STEAP3: variants seen among roughly 807,000 people sequenced by gnomAD.
STEAP3 encodes the protein STEAP3 metalloreductase.
A neutral mutation model predicts 34.9 loss-of-function variants in STEAP3; 35 were observed. The ratio of observed to expected loss-of-function variants is 1.00; its 90% CI spans 0.76 to 1.33. The LOEUF (loss-of-function observed/expected upper bound fraction) is 1.33, where lower values mean the gene tolerates loss of function less well. Among genes scored for constraint, STEAP3 ranks in the 40% most tolerant of loss-of-function variants. STEAP3 has a pLI of 0.00. For missense variants in STEAP3, 652 were observed against 667.6 expected (o/e 0.98, Z 0.26); for synonymous variants, 281 against 301.6 (o/e 0.93, Z 0.71).
intron 1 of STEAP3, among the ~76,000 whole-genome samples, chr2:119,227,376 T>G (rs1180149233): frequency 6.6e-6 from 1 of 152,322 alleles, no homozygotes; most frequent in East Asian, 1.9e-4. Flanking sequence ...TCGTGAGCCC[T>G]GCACTGAATG....
rs1676899571 is a variant in STEAP3, at chr2:119,230,682, CAA to C, written c.-329_-328del. On this transcript the variant is annotated 5_prime_UTR_variant, in exon 2 of 6. The change abolishes the stop of an existing upstream ORF in the 5' untranslated region. Transcript: ENST00000393110. Reference sequence around the variant, plus strand: ...GGTCGTCCCACCTCAGTTCCTGTAGCAAAGAGACTTGAGTCTGAGCCACTAAT... The same window carrying C: ...GGTCGTCCCACCTCAGTTCCTGTAGCAGAGACTTGAGTCTGAGCCACTAAT... 1 of 446,052 alleles carries C rather than the reference CAA, an allele frequency of 2.2e-6. No individual in the cohort carries two copies. Among genetic ancestry groups the C allele is most frequent in the Non-Finnish European group, 4.1e-6 (1 of 241,008 alleles). 27.6% of individuals were successfully genotyped at this position (446,052 alleles called of 1,614,324 possible). A position where few individuals can be genotyped will look rare whatever the true frequency, so the allele number is the denominator to read the frequency against.
intron 2 of STEAP3, 195 bp from the exon 3 acceptor site, chr2:119,245,294 G>T: frequency 1.4e-6 from 1 of 698,132 alleles, no homozygotes; most frequent in Non-Finnish European, 2.3e-6. Flanking sequence ...CTCTTCCTGA[G>T]TCTGTGCTCT....
At position 119,245,683 on chromosome 2, in the gene STEAP3, C is replaced by T. The variant is rs138657061; in HGVS notation, c.217C>T (p.Arg73Cys). 6.8e-4 allele frequency: 1,100 copies of T among 1,613,760 alleles called. No homozygotes were observed. Among genetic ancestry groups the T allele is most frequent in the Non-Finnish European group, 8.4e-4 (991 of 1,179,692 alleles). The change falls in exon 3 of 6, where the codon CGC becomes TGC. Residue 73 changes from arginine (R) to cysteine (C), a missense_variant. Transcript: ENST00000393110. The stretch of plus-strand genomic sequence containing the variant: ...GGTGGTGGGGAGCCGCAACCCCAAA[C>T]GCACAGCCAGGCTGTTTCCCTCAGC... ...KVVVGSRNPK[R>C]TARLFPSAAQ...
rs1400778451 is a variant in STEAP3 at position 119,254,809 on chromosome 2, T to C, written c.1176T>C (p.Ile392=). ...SLLAVTSLPS[I]ANSLNWREFS... ...TGGCCGTGACCTCACTGCCGTCCAT[T>C]GCAAACTCGCTCAACTGGAGGGAGT... The change falls in exon 5 of 6, where the codon ATT becomes ATC. Residue 392 remains isoleucine, a synonymous_variant. Coordinates refer to ENST00000393110, the MANE Select transcript of STEAP3 (RefSeq NM_182915.3). The C allele has an allele frequency of 1.2e-6, 2 of 1,614,156 alleles. No homozygotes were observed. Among genetic ancestry groups the C allele is most frequent in the Non-Finnish European group, 8.5e-7 (1 of 1,180,032 alleles).
At chr2:119,261,728 G>A (rs926021761) in intron 5 of STEAP3, among the ~76,000 whole-genome samples, 3 of 152,188 alleles carry the variant, frequency 2.0e-5, no homozygotes, top group Non-Finnish European at 4.4e-5. Context: ...CTCTTCCTTC[G>A]TGGTCCACGA....
At chr2:119,256,336 C>G (rs1867749) in intron 5 of STEAP3, among the ~76,000 whole-genome samples, 54,996 of 151,998 alleles carry the variant, frequency 0.36, 10,574 homozygotes, top group Non-Finnish European at 0.44. Flanking sequence ...TGTTAGCATA[C>G]GAGAAGGGGA....
chr2:119,263,293 G>T lies in STEAP3; in HGVS notation c.1452G>T (p.Thr484=). The change falls in exon 6 of 6, where the codon ACG becomes ACT. Residue 484 remains threonine, a synonymous_variant. Transcript: ENST00000393110. ...GWERESTIKF[T]LPTDHALAEK... The stretch of plus-strand genomic sequence containing the variant: ...AGAGGGAGAGCACCATCAAGTTCAC[G>T]CTGCCCACAGACCACGCCCTGGCCG... 6.2e-7 allele frequency: 1 copy of T among 1,613,896 alleles called. No homozygotes were observed. Among genetic ancestry groups the T allele is most frequent in the Non-Finnish European group, 8.5e-7 (1 of 1,179,984 alleles).
chr2:119,249,442 G>A (rs770136955), intron 4 of STEAP3, among the ~76,000 whole-genome samples: 15 of 152,142 alleles, frequency 9.9e-5, no homozygotes, highest in Non-Finnish European at 2.2e-4. Context: ...CCAGCCCCGG[G>A]GCTGGTTGAT....
At chr2:119,229,865 C>T (rs1488155161) in intron 1 of STEAP3, among the ~76,000 whole-genome samples, 1 of 130,202 alleles carries the variant, frequency 7.7e-6, no homozygotes, top group Non-Finnish European at 1.6e-5. Context: ...TCCCTGCCTA[C>T]AGGCCTGTGT....
At chr2:119,248,848 T>A (rs569596374) in intron 4 of STEAP3, 6 of 152,560 alleles carry the variant, frequency 3.9e-5, no homozygotes, top group African/African-American at 1.4e-4. Context: ...CTCTGGTTTT[T>A]GGCTGAGAAC....
chr2:119,242,486 G>T (rs922016527), intron 2 of STEAP3, among the ~76,000 whole-genome samples: 1 of 152,170 alleles, frequency 6.6e-6, no homozygotes, highest in African/African-American at 2.4e-5. Flanking sequence ...CATCTGCAAG[G>T]CTCCTGGGCT....
At chr2:119,238,498 G>C (rs892345582) in intron 2 of STEAP3, among the ~76,000 whole-genome samples, 1 of 152,054 alleles carries the variant, frequency 6.6e-6, no homozygotes, top group Admixed American at 6.5e-5. Context: ...TTTTAATACC[G>C]AGGTGTAAGA....
intron 4 of STEAP3, among the ~76,000 whole-genome samples, chr2:119,250,581 C>T (rs1677594175): frequency 6.6e-6 from 1 of 152,174 alleles, no homozygotes; most frequent in Non-Finnish European, 1.5e-5. Flanking sequence ...CATGGAGGAG[C>T]CCACTCCCTC....
At chr2:119,258,430 C>G (rs908569177) in intron 5 of STEAP3, among the ~76,000 whole-genome samples, 2 of 152,032 alleles carry the variant, frequency 1.3e-5, no homozygotes, top group African/African-American at 2.4e-5. Flanking sequence ...CCCAGCCCCC[C>G]ATTCAGGTGA....
intron 3 of STEAP3, chr2:119,246,847 G>C (rs186742804): frequency 6.6e-6 from 1 of 152,276 alleles, no homozygotes; most frequent in Admixed American, 6.5e-5. Flanking sequence ...TCAGGCTCAG[G>C]GAGCAGGGAG....
chr2:119,257,538 G>T (rs1468491744), intron 5 of STEAP3: 1 of 1,544,562 alleles, frequency 6.5e-7, no homozygotes. Flanking sequence ...CCACTTACCT[G>T]CCCCGCATCA....
chr2:119,258,899 G>A (rs57821467), intron 5 of STEAP3, among the ~76,000 whole-genome samples: 3,813 of 147,312 alleles, frequency 0.026, 180 homozygotes, highest in African/African-American at 0.092. Context: ...TGGGATTATA[G>A]GCGTGAGCCA....
At position 119,254,893 on chromosome 2, in the gene STEAP3, G is replaced by T. The variant is rs554467151; in HGVS notation, c.1215+45G>T. On this transcript the variant is annotated intron_variant, in intron 5 of 5. Coordinates refer to ENST00000393110, the MANE Select transcript of STEAP3 (RefSeq NM_182915.3). Reference sequence around the variant, plus strand: ...GCCAGCCAGCTTCAGCGTGGCCCTGGCCCACCTCTCATGAGTAAGTGCTCT... The same window carrying T: ...GCCAGCCAGCTTCAGCGTGGCCCTGTCCCACCTCTCATGAGTAAGTGCTCT... 4.4e-6 allele frequency: 7 copies of T among 1,594,616 alleles called. No homozygotes were observed. In the East Asian group the frequency reaches 1.4e-4, roughly 31 times the overall value.
At position 119,223,853 on chromosome 2, in the gene STEAP3, A is replaced by C. The variant is rs1324372935; in HGVS notation, c.-429A>C. ...GCCACCGCCTTCGCCGCGGACCTTC[A>C]GCTGCCGCGGTCGCTCCGAGCGGCG... On this transcript the variant is annotated 5_prime_UTR_variant, in exon 1 of 6. Transcript: ENST00000393110. 6.6e-6 allele frequency: 1 copy of C among 152,136 alleles called. No individual in the cohort carries two copies. The highest frequency in any genetic ancestry group is 1.5e-5 in the Non-Finnish European group (1 of 68,022). The allele number at this position is 152,136 out of a possible 1,614,324, so 9.4% of individuals were successfully genotyped here. A position where few individuals can be genotyped will look rare whatever the true frequency, so the allele number is the denominator to read the frequency against.
Sources: gnomAD v4.1 joint callset for allele counts (sites outside exome capture counted in the v4.1 genomes callset) on GRCh38, gnomAD v4.1.1 for gene constraint, MANE v1.5 for transcripts, NCBI Gene and HGNC (gene_info 2026-07-23, HGNC 2026-07-21) for gene names.